Variants in SCFD1 observed in about 807,000 individuals in gnomAD.
SCFD1 encodes the protein sec1 family domain containing 1, also known as sec1 family domain-containing protein 1.
SCFD1 carries 37 observed loss-of-function variants against 103.2 expected under a neutral mutation model. The ratio of observed to expected loss-of-function variants is 0.36; its 90% confidence interval spans 0.28 to 0.47. SCFD1 has a LOEUF of 0.47. SCFD1 is among the 20% of genes least tolerant of loss of function. The pLI is 1.00. For missense variants in SCFD1, 639 were observed against 761.2 expected (o/e 0.84, Z 1.89); for synonymous variants, 264 against 245.0 (o/e 1.08, Z -0.73).
intron 21 of SCFD1, among the ~76,000 whole-genome samples, chr14:30,720,879 ATTTACTGAGAAATATTT>A (rs1352225633): frequency 6.6e-6 from 1 of 152,090 alleles, no homozygotes; most frequent in African/African-American, 2.4e-5. Context: ...CTTCTTGGAA[ATTTACTGAGAAATATTT>A]AATCCTTAAT....
chr14:30,719,741 T>C (rs991850318), intron 21 of SCFD1, among the ~76,000 whole-genome samples: 1 of 152,178 alleles, frequency 6.6e-6, no homozygotes, highest in African/African-American at 2.4e-5. Context: ...ACCAGTTGTT[T>C]GGTTGTTTTT....
At position 30,683,858 on chromosome 14, in the gene SCFD1, T is replaced by G. The variant is rs538039181; in HGVS notation, c.1242+8793T>G. Among the ~76,000 whole-genome samples the G allele has an allele frequency of 7.2e-5, 11 of 152,322 alleles. No homozygotes were observed. The East Asian group carries it at 2.1e-3, about 29-fold the overall frequency. ...TAACTCTTTATTCCCTTCTTGTCTT[T>G]CTTTTCACTGCTGAATGGTTATTGG... On this transcript the variant is annotated intron_variant, in intron 14 of 24. Transcript: ENST00000458591.
chr14:30,668,306 C>T (rs894789275), intron 10 of SCFD1, among the ~76,000 whole-genome samples: 1 of 152,142 alleles, frequency 6.6e-6, no homozygotes, highest in Non-Finnish European at 1.5e-5. Flanking sequence ...GGAATGGGTT[C>T]CCTATTTAAT....
At chr14:30,681,964 T>A (rs1205457778) in intron 14 of SCFD1, among the ~76,000 whole-genome samples, 1 of 152,228 alleles carries the variant, frequency 6.6e-6, no homozygotes, top group Non-Finnish European at 1.5e-5. Flanking sequence ...AATGGTTCCC[T>A]GTATATGTCC....
chr14:30,721,823 C>G, intron 21 of SCFD1, 61 bp from the exon 22 acceptor site: 1 of 1,334,506 alleles, frequency 7.5e-7, no homozygotes, highest in Non-Finnish European at 1.1e-6. Flanking sequence ...TTTCCCATAC[C>G]TATTTTATTC....
intron 4 of SCFD1, 98 bp from the exon 5 acceptor site, chr14:30,638,027 C>T: frequency 1.5e-6 from 2 of 1,324,336 alleles, no homozygotes; most frequent in South Asian, 3.7e-5. Context: ...ATTTAAATAT[C>T]CTGTCTTTTA....
At chr14:30,715,164 C>T (rs964701065) in intron 19 of SCFD1, 3 of 152,140 alleles carry the variant, frequency 2.0e-5, no homozygotes, top group East Asian at 3.8e-4. Flanking sequence ...ACAAAAAATA[C>T]CTTTTTATTA....
intron 10 of SCFD1, among the ~76,000 whole-genome samples, chr14:30,657,173 A>G (rs924810206): frequency 7.2e-5 from 11 of 152,036 alleles, no homozygotes; most frequent in Non-Finnish European, 1.2e-4. Context: ...CTTGAACTTT[A>G]AGAGTCCCTG....
intron 6 of SCFD1, among the ~76,000 whole-genome samples, chr14:30,642,546 A>G (rs1389747494): frequency 6.6e-6 from 1 of 152,094 alleles, no homozygotes. Flanking sequence ...ACTTATATAC[A>G]CTCTTGTAGA....
chr14:30,691,560 A>C (rs1334583927), intron 14 of SCFD1, among the ~76,000 whole-genome samples: 2 of 152,210 alleles, frequency 1.3e-5, no homozygotes, highest in African/African-American at 4.8e-5. Flanking sequence ...GTGCTCCCTC[A>C]TAATCAGTAT....
At chr14:30,682,740 CAT>C (rs1482859172) in intron 14 of SCFD1, among the ~76,000 whole-genome samples, 2 of 152,038 alleles carry the variant, frequency 1.3e-5, no homozygotes, top group Non-Finnish European at 2.9e-5. Context: ...AGGAATTAAA[CAT>C]GTGAAGAAGT....
At chr14:30,627,241 G>A (rs1255365003) in intron 1 of SCFD1, among the ~76,000 whole-genome samples, 1 of 152,094 alleles carries the variant, frequency 6.6e-6, no homozygotes, top group Non-Finnish European at 1.5e-5. Context: ...TGTGATTTTT[G>A]ATGTTGTATA....
intron 1 of SCFD1, among the ~76,000 whole-genome samples, chr14:30,626,014 G>A (rs1883399507): frequency 6.6e-6 from 1 of 152,120 alleles, no homozygotes; most frequent in Non-Finnish European, 1.5e-5. Context: ...TCTTGGGCGT[G>A]AGTGCCAGGG....
intron 1 of SCFD1, among the ~76,000 whole-genome samples, chr14:30,622,865 C>A (rs1451515216): frequency 6.6e-6 from 1 of 152,150 alleles, no homozygotes; most frequent in African/African-American, 2.4e-5. Context: ...TTTGGGGGTA[C>A]CTGCAGAAAA....
chr14:30,646,363 C>T (rs922593238), intron 7 of SCFD1, among the ~76,000 whole-genome samples: 10 of 151,486 alleles, frequency 6.6e-5, no homozygotes, highest in African/African-American at 2.4e-4. Flanking sequence ...TTTCAAAAGC[C>T]TTTTCTGTGT....
chr14:30,664,816 G>T (rs1420163390), intron 10 of SCFD1, among the ~76,000 whole-genome samples: 10 of 152,124 alleles, frequency 6.6e-5, no homozygotes, highest in Non-Finnish European at 1.5e-5. Context: ...TCAAATTAAC[G>T]ATATGAAACA....
At chr14:30,648,931 A>G (rs1186022590) in intron 7 of SCFD1, among the ~76,000 whole-genome samples, 3 of 148,592 alleles carry the variant, frequency 2.0e-5, no homozygotes, top group African/African-American at 5.0e-5. Flanking sequence ...CTGCACCACT[A>G]CACTCCAGCC....
chr14:30,639,360 A>T (rs1885044500), intron 5 of SCFD1, among the ~76,000 whole-genome samples: 1 of 152,210 alleles, frequency 6.6e-6, no homozygotes, highest in South Asian at 2.1e-4. Context: ...ACTTCCAAAG[A>T]ACTGGCATAA....
At position 30,670,342 on chromosome 14, in the gene SCFD1, G is replaced by A. The variant is rs1405843925; in HGVS notation, c.942G>A (p.Lys314=). The A allele has an allele frequency of 6.3e-7, 1 of 1,592,580 alleles. No individual in the cohort carries two copies. The highest frequency in any genetic ancestry group is 1.2e-5 in the South Asian group (1 of 86,822). Residue 314 remains lysine (K), a synonymous_variant, in exon 11 of 25, where the codon AAG becomes AAA. Transcript: ENST00000458591. ...PAGARPKRKN[K]KSYDLTPVDK... is the part of the protein sequence containing the mutation. ...GTGCTAGACCAAAGAGAAAAAACAAGAAGTCTTATGATTTAACTCCGGTTG... is the reference window on the plus strand; with the variant it reads ...GTGCTAGACCAAAGAGAAAAAACAAAAAGTCTTATGATTTAACTCCGGTTG...
Sources: allele counts gnomAD v4.1 joint callset (sites outside exome capture counted in the v4.1 genomes callset), GRCh38; gene constraint gnomAD v4.1.1; transcripts MANE v1.5; gene names NCBI Gene and HGNC (gene_info 2026-07-23, HGNC 2026-07-21).